The following DPP6 variants were observed in gnomAD, a reference collection of about 807,000 sequenced individuals.
DPP6 encodes A-type potassium channel modulatory protein DPP6.
DPP6 carries 69 observed loss-of-function variants against 122.6 expected under a neutral mutation model. The observed-to-expected ratio is 0.56, with a 90% confidence interval of 0.46 to 0.69. The LOEUF is 0.69. DPP6 is among the 30% of genes least tolerant of loss of function. DPP6 has a pLI of 0.00. For synonymous variants in DPP6, 418 were observed against 433.1 expected (o/e 0.97, Z 0.43); for missense variants, 928 against 1,116.9 (o/e 0.83, Z 2.41).
intron 6 of DPP6, among the ~76,000 whole-genome samples, chr7:154,644,695 T>C (rs796808100): frequency 7.8e-5 from 11 of 141,922 alleles, no homozygotes; most frequent in Non-Finnish European, 1.7e-4. Context: ...GCAGAAGAAA[T>C]CTTAAAATGG....
chr7:154,090,005 T>C (rs1458693877), intron 1 of DPP6, among the ~76,000 whole-genome samples: 1 of 152,240 alleles, frequency 6.6e-6, no homozygotes. Flanking sequence ...TTGTTGTAAA[T>C]ACTATAAGAA....
the DPP6 span, among the ~76,000 whole-genome samples, chr7:153,816,784 T>A: frequency 6.6e-6 from 1 of 151,838 alleles, no homozygotes; most frequent in Non-Finnish European, 1.5e-5. Context: ...CTAACACCCC[T>A]CTGCATGGAG....
chr7:154,787,325 TA>T (rs75156574), intron 10 of DPP6, among the ~76,000 whole-genome samples: 1 of 152,342 alleles, frequency 6.6e-6, no homozygotes, highest in Middle Eastern at 3.4e-3. Context: ...TGGGTTTTTT[TA>T]AAAAAATGAT....
chr7:154,830,607 G>C (rs768899004), intron 16 of DPP6, among the ~76,000 whole-genome samples: 6 of 152,232 alleles, frequency 3.9e-5, no homozygotes, highest in Admixed American at 2.0e-4. Context: ...AGCTCCAACT[G>C]GTTCTAAGCA....
the DPP6 span, among the ~76,000 whole-genome samples, chr7:153,771,639 C>G: frequency 1.3e-5 from 2 of 152,146 alleles, no homozygotes; most frequent in Non-Finnish European, 2.9e-5. Flanking sequence ...CACACCTGGC[C>G]CCCCTGAAGT....
intron 2 of DPP6, among the ~76,000 whole-genome samples, chr7:154,467,774 T>A (rs569069863): frequency 5.0e-4 from 76 of 152,352 alleles, no homozygotes; most frequent in African/African-American, 1.8e-3. Flanking sequence ...TCATGGGAAT[T>A]CATTCCATTA....
At chr7:154,098,267 A>T (rs10238485) in intron 1 of DPP6, among the ~76,000 whole-genome samples, 9,365 of 152,030 alleles carry the variant, frequency 0.062, 862 homozygotes, top group African/African-American at 0.21. Flanking sequence ...CCGTGTGAAG[A>T]AGGACATATT....
chr7:154,717,612 C>T (rs188503040), intron 7 of DPP6, among the ~76,000 whole-genome samples: 1 of 152,278 alleles, frequency 6.6e-6, no homozygotes, highest in African/African-American at 2.4e-5. Context: ...TCCTTGTATA[C>T]ATGCATACCA....
chr7:153,903,046 C>G (rs1799704227), intron 1 of DPP6, among the ~76,000 whole-genome samples: 1 of 152,118 alleles, frequency 6.6e-6, no homozygotes, highest in Non-Finnish European at 1.5e-5. Flanking sequence ...GGAGCCTGTC[C>G]CAGGCTTGCA....
chr7:154,873,563 C>A (rs892588955), intron 19 of DPP6, among the ~76,000 whole-genome samples: 2 of 152,184 alleles, frequency 1.3e-5, no homozygotes, highest in African/African-American at 2.4e-5. Context: ...TGGTGTCTTG[C>A]CCTGCTCCCT....
chr7:153,833,230 A>G, the DPP6 span, among the ~76,000 whole-genome samples: 1 of 152,208 alleles, frequency 6.6e-6, no homozygotes, highest in South Asian at 2.1e-4. Context: ...TTGTGGATGC[A>G]ACTAATCTCC....
intron 1 of DPP6, among the ~76,000 whole-genome samples, chr7:154,254,917 A>G (rs1802561706): frequency 6.6e-6 from 1 of 152,164 alleles, no homozygotes; most frequent in Non-Finnish European, 1.5e-5. Context: ...GGAATACATT[A>G]TTAGGGAAAA....
At chr7:153,917,015 G>C (rs186351930) in intron 1 of DPP6, among the ~76,000 whole-genome samples, 146 of 152,264 alleles carry the variant, frequency 9.6e-4, no homozygotes, top group Admixed American at 1.5e-3. Flanking sequence ...TTTCACACTC[G>C]CACACTCATA....
At chr7:154,235,751 GAATTT>G (rs1801175054) in intron 1 of DPP6, among the ~76,000 whole-genome samples, 1 of 152,144 alleles carries the variant, frequency 6.6e-6, no homozygotes, top group Admixed American at 6.5e-5. Flanking sequence ...TGTGAGCTTT[GAATTT>G]AATCTGCCTA....
chr7:154,058,282 C>G (rs1801076399), intron 1 of DPP6: 1 of 149,774 alleles, frequency 6.7e-6, no homozygotes, highest in Non-Finnish European at 1.5e-5. Flanking sequence ...GAGCGAGCCC[C>G]TCTTCCCCCC....
the DPP6 span, among the ~76,000 whole-genome samples, chr7:153,780,351 C>T: frequency 5.5e-4 from 83 of 152,264 alleles, no homozygotes; most frequent in African/African-American, 1.8e-3. Flanking sequence ...AAAGGCTTCT[C>T]TACTGACCTT....
the DPP6 span, among the ~76,000 whole-genome samples, chr7:153,750,115 T>C: frequency 1.3e-5 from 2 of 152,230 alleles, no homozygotes; most frequent in African/African-American, 4.8e-5. Context: ...AGTAATGATA[T>C]TGGATTCACT....
intron 1 of DPP6, among the ~76,000 whole-genome samples, chr7:154,101,703 G>A (rs1042593050): frequency 9.9e-5 from 15 of 151,614 alleles, no homozygotes; most frequent in Non-Finnish European, 1.0e-4. Flanking sequence ...TGAGGCGGGC[G>A]GATCACCTGA....
At chr7:154,275,083 C>T (rs1804042000) in intron 1 of DPP6, among the ~76,000 whole-genome samples, 1 of 152,258 alleles carries the variant, frequency 6.6e-6, no homozygotes, top group Non-Finnish European at 1.5e-5. Flanking sequence ...TTCATTGGCA[C>T]TTCCGGCACG....
Sources: allele counts gnomAD v4.1 joint callset (sites outside exome capture counted in the v4.1 genomes callset), GRCh38; gene constraint gnomAD v4.1.1; transcripts MANE v1.5; gene names NCBI Gene and HGNC (gene_info 2026-07-23, HGNC 2026-07-21).